HEATR4: variants seen among roughly 807,000 people sequenced by gnomAD.
HEATR4 encodes the protein HEAT repeat-containing protein 4.
In HEATR4, 95 loss-of-function variants were observed where a neutral mutation model predicts 108.8. The ratio of observed to expected loss-of-function variants is 0.87; its 90% CI spans 0.74 to 1.04. The LOEUF (loss-of-function observed/expected upper bound fraction) is 1.04. Ranked by LOEUF, HEATR4 falls within the 50% of genes least tolerant of loss-of-function variation. HEATR4 has a pLI of 0.00. For synonymous variants in HEATR4, 443 were observed against 459.4 expected, an observed-to-expected ratio of 0.96 and a Z score of 0.46; for missense variants, 1,152 against 1,253.8, an observed-to-expected ratio of 0.92 and a Z score of 1.23.
chr14:73,504,057 A>G (rs1886652340), intron 10 of HEATR4, among the ~76,000 whole-genome samples: 1 of 151,710 alleles, frequency 6.6e-6, no homozygotes, highest in African/African-American at 2.4e-5. Flanking sequence ...AGCTGGCTTA[A>G]GATGAGATTT....
chr14:73,578,357 G>A, the HEATR4 span, among the ~76,000 whole-genome samples: 227 of 151,264 alleles, frequency 1.5e-3, 3 homozygotes, highest in Middle Eastern at 6.9e-3. Context: ...AGCCCCCTGG[G>A]TAGCTGGGAC....
chr14:73,512,696 T>A (rs1160059091), intron 6 of HEATR4, among the ~76,000 whole-genome samples: 1 of 152,234 alleles, frequency 6.6e-6, no homozygotes, highest in Non-Finnish European at 1.5e-5. Flanking sequence ...TTAGGTTCTT[T>A]GTCTTTGAGG....
chr14:73,491,436 T>C (rs1885731370), intron 17 of HEATR4: 2 of 1,358,484 alleles, frequency 1.5e-6, no homozygotes, highest in African/African-American at 1.5e-5. Context: ...GCCGCGCCGG[T>C]CCGGGTGGTG....
chr14:73,494,193 A>T (rs932528772), intron 16 of HEATR4, among the ~76,000 whole-genome samples: 1 of 152,160 alleles, frequency 6.6e-6, no homozygotes, highest in African/African-American at 2.4e-5. Context: ...GAATATTCTC[A>T]TGGTTGGTGG....
chr14:73,514,009 C>T, intron 6 of HEATR4, 22 bp downstream of exon 6: 1 of 1,611,672 alleles, frequency 6.2e-7, no homozygotes, highest in South Asian at 1.1e-5. Context: ...CGTACAGTAT[C>T]ACAGGACCTC....
chr14:73,576,187 A>C, the HEATR4 span, among the ~76,000 whole-genome samples: 1 of 151,870 alleles, frequency 6.6e-6, no homozygotes, highest in African/African-American at 2.4e-5. Context: ...TAATTAATTA[A>C]TTAAATGATT....
Position 73,486,357 on chromosome 14 carries a change from C to T in HEATR4, c.2844+6709G>A, listed in dbSNP as rs115010142. Among the ~76,000 whole-genome samples, 1,021 of 152,292 alleles carry T rather than the reference C, an allele frequency of 6.7e-3. 13 individuals carry two copies. The highest frequency in any genetic ancestry group is 0.023 in the African/African-American group (956 of 41,570). On this transcript the variant is annotated intron_variant, in intron 17 of 17. Transcript: ENST00000553558. ...TTACTTTCCTTTTATTTCTCTTTCT[C>T]ACCATCTCCCTTTCAACAACTCATG...
At chr14:73,567,350 G>C in the HEATR4 span, among the ~76,000 whole-genome samples, 1 of 152,110 alleles carries the variant, frequency 6.6e-6, no homozygotes, top group Non-Finnish European at 1.5e-5. Flanking sequence ...GGTGAAGACC[G>C]CTGGGCTTCT....
chr14:73,519,712 C>A (rs1887856752), intron 4 of HEATR4, among the ~76,000 whole-genome samples: 1 of 151,996 alleles, frequency 6.6e-6, no homozygotes, highest in South Asian at 2.1e-4. Flanking sequence ...GGAGTGAAAC[C>A]ATTTCAAAAA....
the HEATR4 span, among the ~76,000 whole-genome samples, chr14:73,570,183 G>A: frequency 1.3e-5 from 2 of 151,544 alleles, 1 homozygote; most frequent in Middle Eastern, 6.8e-3. Context: ...GGAGGTTAGT[G>A]TAAAGAAACA....
rs780960346 is a variant in HEATR4, at chr14:73,492,629, G to A, written c.2844+437C>T. On this transcript the variant is annotated intron_variant, in intron 17 of 17. Coordinates refer to ENST00000553558, the MANE Select transcript of HEATR4 (RefSeq NM_001220484.1). The surrounding 1 kb of genome is among the most constrained non-coding windows in gnomAD (Gnocchi z 4.9). ...CTGGGAGGCTGGAGAACCTGTAAACGTGGGGGCCCAGTTGACAACAGAAAC... is the reference window on the plus strand; with the variant it reads ...CTGGGAGGCTGGAGAACCTGTAAACATGGGGGCCCAGTTGACAACAGAAAC... 3.7e-6 allele frequency: 6 copies of A among 1,613,918 alleles called. No homozygotes were observed. In the South Asian group the frequency reaches 5.5e-5, roughly 15 times the overall value.
chr14:73,511,024 C>T (rs918620811), intron 7 of HEATR4, among the ~76,000 whole-genome samples: 1 of 152,070 alleles, frequency 6.6e-6, no homozygotes, highest in Non-Finnish European at 1.5e-5. Context: ...ACCAATGTTG[C>T]CTATAAAGAT....
At chr14:73,589,956 G>A in the HEATR4 span, among the ~76,000 whole-genome samples, 4 of 152,098 alleles carry the variant, frequency 2.6e-5, no homozygotes, top group African/African-American at 9.7e-5. Flanking sequence ...GTGAGTTCGT[G>A]GTCTGGTAGG....
intron 4 of HEATR4, 68 bp downstream of exon 4, chr14:73,520,784 C>G (rs1172628295): frequency 6.3e-6 from 9 of 1,436,380 alleles, no homozygotes; most frequent in South Asian, 1.3e-5. Flanking sequence ...TTTCCAGCCC[C>G]CAGCAATCTT....
At chr14:73,608,521 G>A in the HEATR4 span, among the ~76,000 whole-genome samples, 1 of 152,148 alleles carries the variant, frequency 6.6e-6, no homozygotes, top group Non-Finnish European at 1.5e-5. Flanking sequence ...GCCATTTAAT[G>A]AGCCTCTAGG....
the HEATR4 span, among the ~76,000 whole-genome samples, chr14:73,588,951 A>G: frequency 6.6e-6 from 1 of 152,168 alleles, no homozygotes; most frequent in Admixed American, 6.5e-5. Flanking sequence ...GGTTCATAGC[A>G]AAATTGAGCA....
At chr14:73,569,190 C>G in the HEATR4 span, 1 of 1,594,014 alleles carries the variant, frequency 6.3e-7, no homozygotes, top group Non-Finnish European at 8.6e-7. Flanking sequence ...CTCACGTTAG[C>G]AGACAGCTCT....
chr14:73,628,546 G>A, the HEATR4 span, among the ~76,000 whole-genome samples: 1,527 of 152,212 alleles, frequency 0.01, 24 homozygotes, highest in African/African-American at 0.035. Flanking sequence ...CTGAGGTCAA[G>A]AGTTTGAGAC....
rs577348281 is a variant in HEATR4, at chr14:73,495,086, G to C, written c.2785+142C>G. 410 of 607,550 alleles carry C rather than the reference G, an allele frequency of 6.7e-4. 3 individuals carry two copies. In the South Asian group the frequency reaches 0.012, roughly 18 times the overall value. The allele number at this position is 607,550 out of a possible 1,614,324, so 37.6% of individuals were successfully genotyped here. ...CAAAAAAAAAACACAAAGACTGAGTGGATGGTAGCCAAGAGGGAAGAGAGT... is the reference window on the plus strand; with the variant it reads ...CAAAAAAAAAACACAAAGACTGAGTCGATGGTAGCCAAGAGGGAAGAGAGT... On this transcript the variant is annotated intron_variant, in intron 16 of 17. Coordinates refer to ENST00000553558, the MANE Select transcript of HEATR4 (RefSeq NM_001220484.1).
Sources: gnomAD v4.1 joint callset for allele counts (sites outside exome capture counted in the v4.1 genomes callset) on GRCh38, gnomAD v4.1.1 for gene constraint, Gnocchi (gnomAD v3.1) non-coding constraint, MANE v1.5 for transcripts, NCBI Gene and HGNC (gene_info 2026-07-23, HGNC 2026-07-21) for gene names.